The following PCNX2 variants were observed in gnomAD, a reference collection of about 807,000 sequenced individuals.
The protein encoded by PCNX2 is pecanex-like protein 2.
In PCNX2, 168 loss-of-function variants were observed where a neutral mutation model predicts 223.8. The ratio of observed to expected loss-of-function variants is 0.75; its 90% confidence interval spans 0.66 to 0.85. The LOEUF (loss-of-function observed/expected upper bound fraction) is 0.85, where lower values mean the gene tolerates loss of function less well. PCNX2 is among the 40% of genes least tolerant of loss of function. The pLI, the probability that PCNX2 is intolerant of heterozygous loss-of-function variation, is 0.00. For synonymous variants in PCNX2, 1,006 were observed against 1,052.6 expected (o/e 0.96, Z 0.86); for missense variants, 2,507 against 2,675.5 (o/e 0.94, Z 1.39).
chr1:233,013,525 T>C (rs1344799130), intron 28 of PCNX2, among the ~76,000 whole-genome samples: 2 of 152,154 alleles, frequency 1.3e-5, no homozygotes, highest in African/African-American at 4.8e-5. Context: ...ACTGTGACAG[T>C]TGCTAAACAA....
At chr1:233,016,833 A>G (rs1670681562) in intron 27 of PCNX2, 88 bp downstream of exon 27, 6 of 1,520,822 alleles carry the variant, frequency 3.9e-6, no homozygotes, top group Non-Finnish European at 5.3e-6. Flanking sequence ...AAAGTCTACC[A>G]TAGAATATAA....
chr1:233,190,646 C>G (rs1378617064), intron 15 of PCNX2, among the ~76,000 whole-genome samples: 2 of 152,108 alleles, frequency 1.3e-5, no homozygotes, highest in Non-Finnish European at 2.9e-5. Flanking sequence ...TGAAATAAAC[C>G]TTCCCAAAGC....
the PCNX2 span, among the ~76,000 whole-genome samples, chr1:233,303,573 C>G: frequency 6.6e-6 from 1 of 152,126 alleles, no homozygotes; most frequent in Non-Finnish European, 1.5e-5. Flanking sequence ...TATATACACA[C>G]TATGTTAAAT....
chr1:233,285,575 T>G (rs1024624950), intron 1 of PCNX2, among the ~76,000 whole-genome samples: 43 of 152,134 alleles, frequency 2.8e-4, no homozygotes, highest in African/African-American at 9.9e-4. Context: ...CTCTGGAGGC[T>G]GAGGTAGGAG....
intron 10 of PCNX2, among the ~76,000 whole-genome samples, chr1:233,221,857 A>G (rs1008792322): frequency 6.6e-6 from 1 of 152,222 alleles, no homozygotes; most frequent in Non-Finnish European, 1.5e-5. Context: ...TCATGGCAGA[A>G]TCCATGGCAG....
chr1:233,132,754 C>CA (rs1358281832), intron 21 of PCNX2, among the ~76,000 whole-genome samples: 1 of 152,128 alleles, frequency 6.6e-6, no homozygotes, highest in Non-Finnish European at 1.5e-5. Flanking sequence ...GTTATATTGA[C>CA]AAATCCTCTT....
intron 21 of PCNX2, among the ~76,000 whole-genome samples, chr1:233,123,321 C>A (rs1675913132): frequency 1.3e-5 from 2 of 152,168 alleles, no homozygotes; most frequent in South Asian, 4.1e-4. Flanking sequence ...GTGGCTCACA[C>A]CTGTAATCCC....
At chr1:233,213,782 C>A (rs1681957873) in intron 12 of PCNX2, among the ~76,000 whole-genome samples, 1 of 149,140 alleles carries the variant, frequency 6.7e-6, no homozygotes, top group East Asian at 1.9e-4. Context: ...CTAAAGCCTG[C>A]ACCAGGCATA....
In PCNX2 at chr1:233,051,433, T is replaced by C. The variant is rs919883691; in HGVS notation, c.4351+2835A>G. On this transcript the variant is annotated intron_variant, in intron 25 of 33. Transcript: ENST00000258229. ...AGCACTATTCACAATAGCAATGACA[T>C]GGAATCAACCTAGGTGCCCATCAAC... Among the ~76,000 whole-genome samples the C allele has an allele frequency of 3.3e-5, 5 of 152,076 alleles. No individual in the cohort carries two copies. The East Asian group carries it at 9.6e-4, about 29-fold the overall frequency.
chr1:232,989,408 A>C (rs1669615660), intron 32 of PCNX2, among the ~76,000 whole-genome samples: 1 of 151,858 alleles, frequency 6.6e-6, no homozygotes, highest in Admixed American at 6.6e-5. Context: ...GAGCCGAGAT[A>C]GCGCCACTGC....
At chr1:233,325,371 G>A in the PCNX2 span, among the ~76,000 whole-genome samples, 2 of 151,982 alleles carry the variant, frequency 1.3e-5, no homozygotes, top group Admixed American at 6.6e-5. Flanking sequence ...TAGACGTGGA[G>A]ACTGAGGCCA....
chr1:233,304,493 C>T, the PCNX2 span, among the ~76,000 whole-genome samples: 1,027 of 152,198 alleles, frequency 6.7e-3, 4 homozygotes, highest in Non-Finnish European at 0.011. Flanking sequence ...AATGTGTTTA[C>T]CCAAGAGTAA....
intron 23 of PCNX2, among the ~76,000 whole-genome samples, chr1:233,075,062 A>G (rs1161744119): frequency 6.6e-6 from 1 of 152,220 alleles, no homozygotes; most frequent in Non-Finnish European, 1.5e-5. Context: ...ACATTATGAG[A>G]CAGCAATGGC....
At chr1:233,084,203 A>G (rs766204622) in intron 23 of PCNX2, among the ~76,000 whole-genome samples, 4 of 152,178 alleles carry the variant, frequency 2.6e-5, no homozygotes, top group Non-Finnish European at 4.4e-5. Context: ...TTGTGGTTTG[A>G]CCAACCACAA....
chr1:233,182,358 C>T (rs1334721664), intron 15 of PCNX2, among the ~76,000 whole-genome samples: 2 of 152,142 alleles, frequency 1.3e-5, no homozygotes, highest in Admixed American at 6.5e-5. Context: ...TGCATCCTGT[C>T]TGGTTAAGGC....
At chr1:233,075,613 T>A (rs550428947) in intron 23 of PCNX2, among the ~76,000 whole-genome samples, 1 of 152,106 alleles carries the variant, frequency 6.6e-6, no homozygotes, top group East Asian at 1.9e-4. Context: ...CAAAATGTTA[T>A]CCCTGGGGGA....
At chr1:233,287,997 A>G (rs1034713893) in intron 1 of PCNX2, among the ~76,000 whole-genome samples, 1 of 152,230 alleles carries the variant, frequency 6.6e-6, no homozygotes, top group Non-Finnish European at 1.5e-5. Context: ...AACATAATAC[A>G]ATTGTAAATG....
At chr1:233,226,396 A>C (rs970244585) in intron 10 of PCNX2, among the ~76,000 whole-genome samples, 1 of 152,132 alleles carries the variant, frequency 6.6e-6, no homozygotes, top group Non-Finnish European at 1.5e-5. Context: ...CAGCCTCCTG[A>C]GTAGCTGGAA....
intron 22 of PCNX2, among the ~76,000 whole-genome samples, chr1:233,094,397 G>C (rs1452200282): frequency 1.4e-4 from 21 of 152,148 alleles, no homozygotes; most frequent in Admixed American, 1.3e-3. Context: ...TGCAGCTAAA[G>C]GGAAAGGGTG....
Sources: gnomAD v4.1 joint callset for allele counts (sites outside exome capture counted in the v4.1 genomes callset) on GRCh38, gnomAD v4.1.1 for gene constraint, MANE v1.5 for transcripts, NCBI Gene and HGNC (gene_info 2026-07-23, HGNC 2026-07-21) for gene names.